Variants in GON4L observed in about 807,000 individuals in gnomAD.
The protein encoded by GON4L is GON-4-like protein.
In GON4L, 87 loss-of-function variants were observed where a neutral mutation model predicts 211.8. That is an observed-to-expected ratio of 0.41 (90% CI 0.35 to 0.49). The LOEUF (loss-of-function observed/expected upper bound fraction) is 0.49. Among genes scored for constraint, GON4L ranks in the 20% least tolerant of loss-of-function variants. GON4L has a pLI of 0.15. For synonymous variants in GON4L, 875 were observed against 962.6 expected (o/e 0.91, Z 1.68); for missense variants, 2,155 against 2,659.5 (o/e 0.81, Z 4.17).
At chr1:155,788,406 C>T (rs2101936018) in intron 12 of GON4L, among the ~76,000 whole-genome samples, 1 of 152,288 alleles carries the variant, frequency 6.6e-6, no homozygotes, top group Admixed American at 6.5e-5. Flanking sequence ...TCTTATAAAA[C>T]TAAACATACC....
At chr1:155,803,221 G>A (rs139862157) in intron 11 of GON4L, among the ~76,000 whole-genome samples, 2 of 151,288 alleles carry the variant, frequency 1.3e-5, no homozygotes, top group Admixed American at 6.6e-5. Context: ...TACCTACCCA[G>A]CCATTTACTC....
intron 1 of GON4L, among the ~76,000 whole-genome samples, chr1:155,855,979 CAAAAAAAAAAA>C (rs755007254): frequency 3.8e-4 from 9 of 23,708 alleles, no homozygotes; most frequent in South Asian, 1.8e-3. Flanking sequence ...GAGACTCTGT[CAAAAAAAAAAA>C]AAAAAAAAAA....
downstream of GON4L, chr1:155,746,929 G>A (rs1660264269): frequency 6.9e-6 from 11 of 1,601,090 alleles, 1 homozygote; most frequent in South Asian, 8.8e-5. Context: ...GGTCTCCATA[G>A]GGGCAGGTAA....
intron 2 of GON4L, among the ~76,000 whole-genome samples, chr1:155,829,690 A>C (rs1053517481): frequency 3.9e-5 from 6 of 152,218 alleles, no homozygotes; most frequent in African/African-American, 1.2e-4. Context: ...CTGGCAGTAC[A>C]TAAGTTACAG....
At chr1:155,828,573 G>A (rs1669437448) in intron 2 of GON4L, among the ~76,000 whole-genome samples, 5 of 151,838 alleles carry the variant, frequency 3.3e-5, no homozygotes, top group African/African-American at 1.2e-4. Context: ...TTGGGAGGCT[G>A]AGATGGGTGG....
rs1225976285 is a variant in GON4L, at chr1:155,765,587, C to G, written c.3886G>C (p.Glu1296Gln). 6.2e-7 allele frequency: 1 copy of G among 1,614,210 alleles called. No individual in the cohort carries two copies. The highest frequency in any genetic ancestry group is 1.1e-5 in the South Asian group (1 of 91,084). The change falls in exon 21 of 32, where the codon GAG becomes CAG. Residue 1296 changes from glutamate (E) to glutamine (Q), a missense_variant. Glu to Gln is a conservative substitution (Grantham distance 29, BLOSUM62 2). Coordinates refer to ENST00000368331, the MANE Select transcript of GON4L (RefSeq NM_001282860.2). The stretch of plus-strand genomic sequence containing the variant: ...GGCTCCAGAGCTTGCCTCCCCTCCT[C>G]TGTTTTCACAACGGTCCAGCGACAG... Reference protein sequence around the residue: ...SACRWTVVKTEEGRQALEPLP... With the variant: ...SACRWTVVKTQEGRQALEPLP...
At chr1:155,856,963 C>A (rs138357375) in intron 1 of GON4L, among the ~76,000 whole-genome samples, 184 bp downstream of exon 1, 4 of 152,256 alleles carry the variant, frequency 2.6e-5, no homozygotes, top group African/African-American at 9.6e-5. Flanking sequence ...GTCCTAACCG[C>A]GCTTCCACCT....
chr1:155,766,270 G>A lies in GON4L; in HGVS notation c.3203C>T (p.Ser1068Phe), dbSNP rs775999650. Residue 1068 changes from serine (S) to phenylalanine (F), a missense_variant, in exon 21 of 32, where the codon TCT (serine) becomes TTT (phenylalanine). By Grantham distance (155) the Ser-to-Phe change is radical. Around this residue, in one of 6 missense-constraint regions of GON4L, gnomAD observed 615 missense variants for 625.7 expected, o/e 0.98. Coordinates refer to ENST00000368331, the MANE Select transcript of GON4L (RefSeq NM_001282860.2). ...GGGCACAGCAGGCAGTGCTGCAGGA[G>A]ACTCAAAACTCTCACCTCCACTGAC... ...LGVSGGESFE[S>F]PAALPAVPPE... The A allele has an allele frequency of 1.2e-6, 2 of 1,614,154 alleles. No homozygotes were observed. The highest frequency in any genetic ancestry group is 4.5e-5 in the East Asian group (2 of 44,884).
intron 14 of GON4L, among the ~76,000 whole-genome samples, chr1:155,781,150 AT>A (rs1024701642): frequency 2.0e-5 from 3 of 149,890 alleles, no homozygotes; most frequent in Admixed American, 6.7e-5. Context: ...TATTACTATT[AT>A]TTTTTTTTGA....
In GON4L at chr1:155,804,932, C is replaced by G; in HGVS notation, c.1645+17G>C. 6.2e-7 allele frequency: 1 copy of G among 1,602,054 alleles called. No individual in the cohort carries two copies. The highest frequency in any genetic ancestry group is 2.2e-5 in the East Asian group (1 of 44,812). On this transcript the variant is annotated intron_variant, in intron 11 of 31. Transcript: ENST00000368331. Reference sequence around the variant, plus strand: ...ATAATGGACAGTATACATAATAAATCACAAACCAAAACTTACCTTCATTCC... The same window carrying G: ...ATAATGGACAGTATACATAATAAATGACAAACCAAAACTTACCTTCATTCC...
chr1:155,760,272 G>T (rs1315910907), intron 24 of GON4L, among the ~76,000 whole-genome samples, 172 bp downstream of exon 24: 3 of 152,058 alleles, frequency 2.0e-5, no homozygotes, highest in Non-Finnish European at 4.4e-5. Context: ...GGGAGAATGG[G>T]ATTGGAAAGA....
chr1:155,746,914 C>T (rs766654810), downstream of GON4L: 1 of 1,597,516 alleles, frequency 6.3e-7, no homozygotes, highest in African/African-American at 1.6e-5. Flanking sequence ...GTGCCACAAC[C>T]TGAGGGTCTC....
chr1:155,821,775 T>G (rs779578705), intron 4 of GON4L, among the ~76,000 whole-genome samples: 1 of 152,172 alleles, frequency 6.6e-6, no homozygotes, highest in African/African-American at 2.4e-5. Flanking sequence ...ACCAATCTCA[T>G]TAGCTGCTAC....
chr1:155,856,884 G>C (rs999513051), intron 1 of GON4L, among the ~76,000 whole-genome samples: 3 of 151,736 alleles, frequency 2.0e-5, no homozygotes, highest in Admixed American at 6.5e-5. Context: ...CGGACCAGCA[G>C]GGTGAATGAA....
intron 28 of GON4L, 149 bp from the exon 29 acceptor site, chr1:155,753,563 G>A (rs1201328101): frequency 3.1e-6 from 2 of 646,934 alleles, no homozygotes; most frequent in African/African-American, 3.6e-5. Context: ...GTTTCAACTG[G>A]GTGCAGTGGT....
chr1:155,835,597 T>C (rs1475717358), intron 2 of GON4L, among the ~76,000 whole-genome samples: 1 of 152,154 alleles, frequency 6.6e-6, no homozygotes, highest in African/African-American at 2.4e-5. Flanking sequence ...TTTCGTCATT[T>C]GGTATGGGGA....
Position 155,776,405 on chromosome 1 carries a change from C to A in GON4L, c.2168G>T (p.Arg723Met). The stretch of plus-strand genomic sequence containing the variant: ...TATTTGGAAACTTACAAGAAATATC[C>A]TGGTGGTAGTGGCCTCCGGATTGAG... ...PNLNPEATTT[R>M]IFLKELGTFA... Residue 723 changes from arginine (R) to methionine (M), a missense_variant, in exon 16 of 32, where the codon AGG becomes ATG. By Grantham distance (91) the Arg-to-Met change is moderately conservative. Around this residue, in one of 6 missense-constraint regions of GON4L, gnomAD observed 551 missense variants for 854.0 expected, o/e 0.65. Coordinates refer to ENST00000368331, the MANE Select transcript of GON4L (RefSeq NM_001282860.2). The A allele has an allele frequency of 1.2e-6, 2 of 1,605,902 alleles. No individual in the cohort carries two copies. Among genetic ancestry groups the A allele is most frequent in the Non-Finnish European group, 1.7e-6 (2 of 1,172,626 alleles).
At chr1:155,796,234 T>C (rs964997961) in intron 11 of GON4L, among the ~76,000 whole-genome samples, 8 of 151,806 alleles carry the variant, frequency 5.3e-5, no homozygotes, top group African/African-American at 1.7e-4. Flanking sequence ...TTTGTTAGGT[T>C]AGAATAATAG....
intron 24 of GON4L, among the ~76,000 whole-genome samples, chr1:155,760,183 A>G (rs1661645736): frequency 6.6e-6 from 1 of 151,978 alleles, no homozygotes; most frequent in Admixed American, 6.6e-5. Context: ...ACCAGTGAGA[A>G]GCAGAGAGCA....
Sources: allele counts gnomAD v4.1 joint callset (sites outside exome capture counted in the v4.1 genomes callset), GRCh38; gene constraint gnomAD v4.1.1; regional missense constraint gnomAD v4.1.1; transcripts MANE v1.5; gene names NCBI Gene and HGNC (gene_info 2026-07-23, HGNC 2026-07-21).